The following RFFL variants were observed in gnomAD, a reference collection of about 807,000 sequenced individuals.
RFFL encodes the protein E3 ubiquitin-protein ligase rififylin.
A neutral mutation model predicts 40.4 loss-of-function variants in RFFL; 16 were observed. That is an observed-to-expected ratio of 0.40 (90% CI 0.27 to 0.60). RFFL has a LOEUF of 0.60. RFFL is among the 20% of genes least tolerant of loss of function. The pLI is 0.47. For synonymous variants in RFFL, 154 were observed against 167.9 expected, an observed-to-expected ratio of 0.92 and a Z score of 0.64; for missense variants, 367 against 451.7, an observed-to-expected ratio of 0.81 and a Z score of 1.70.
chr17:35,021,577 G>A lies in RFFL; in HGVS notation c.385C>T (p.Leu129=). The change falls in exon 3 of 7, where the codon CTG becomes TTG. Residue 129 remains leucine, a synonymous_variant. Coordinates refer to ENST00000394597, the MANE Select transcript of RFFL (RefSeq NM_001017368.2). ...STEMCREKEE[L]VLLVLGQQPV... is the part of the protein sequence containing the mutation. ...TGCTGGCCAAGGACCAAGAGCACCAGCTCTTCTTTCTCCCGGCACATTTCG... is the reference window on the plus strand; with the variant it reads ...TGCTGGCCAAGGACCAAGAGCACCAACTCTTCTTTCTCCCGGCACATTTCG... 1 of 1,614,204 alleles carries A rather than the reference G, an allele frequency of 6.2e-7. No homozygotes were observed. The highest frequency in any genetic ancestry group is 2.2e-5 in the East Asian group (1 of 44,884).
chr17:35,019,035 G>A (rs1351415569), intron 3 of RFFL: 1 of 152,314 alleles, frequency 6.6e-6, no homozygotes, highest in Non-Finnish European at 1.5e-5. Context: ...TCCTTGCCTA[G>A]CAACTATTGA....
At chr17:35,013,472 G>C (rs1341041553) in intron 6 of RFFL, among the ~76,000 whole-genome samples, 1 of 152,156 alleles carries the variant, frequency 6.6e-6, no homozygotes, top group Non-Finnish European at 1.5e-5. Context: ...CCCATAAAAA[G>C]GAACTGATCT....
In RFFL at chr17:35,007,058, C is replaced by T. The variant is rs1461162357; in HGVS notation, c.*4910G>A. 1.3e-5 allele frequency: 2 copies of T among 152,192 alleles called. No individual in the cohort carries two copies. The highest frequency in any genetic ancestry group is 2.9e-5 in the Non-Finnish European group (2 of 68,072). The allele number at this position is 152,192 out of a possible 1,614,324, so 9.4% of individuals were successfully genotyped here. A position where few individuals can be genotyped will look rare whatever the true frequency, so the allele number is the denominator to read the frequency against. ...TTGAGTACTGACCTACATAGATTTC[C>T]ATTTCTCTCTTCAGCCTCAGGCCAA... On this transcript the variant is annotated 3_prime_UTR_variant, in exon 7 of 7. Transcript: ENST00000394597.
intron 1 of RFFL, among the ~76,000 whole-genome samples, chr17:35,074,868 C>T (rs2091368442): frequency 6.6e-6 from 1 of 152,146 alleles, no homozygotes; most frequent in Admixed American, 6.6e-5. Flanking sequence ...AGAATGCATA[C>T]AATTTCATTC....
intron 1 of RFFL, chr17:35,069,250 C>T (rs1294223356): frequency 8.8e-6 from 4 of 456,722 alleles, no homozygotes; most frequent in Admixed American, 4.7e-5. Flanking sequence ...ACTTCCTAAA[C>T]GTCTACCCTG....
chr17:35,069,196 T>A (rs958408756), intron 1 of RFFL: 1 of 455,946 alleles, frequency 2.2e-6, no homozygotes, highest in African/African-American at 2.0e-5. Flanking sequence ...CACACTCACA[T>A]GCTCTGTCTC....
intron 1 of RFFL, among the ~76,000 whole-genome samples, chr17:35,044,588 T>G (rs576324355): frequency 6.6e-6 from 1 of 152,294 alleles, no homozygotes; most frequent in Non-Finnish European, 1.5e-5. Context: ...CAGTCCAGCC[T>G]GGGAGACAGA....
chr17:35,026,938 G>C (rs1486220297), intron 1 of RFFL, among the ~76,000 whole-genome samples: 1 of 152,164 alleles, frequency 6.6e-6, no homozygotes, highest in Non-Finnish European at 1.5e-5. Flanking sequence ...TCCTGACCTT[G>C]TGATCGGCCC....
intron 1 of RFFL, among the ~76,000 whole-genome samples, chr17:35,034,211 T>G (rs2091105044): frequency 6.6e-6 from 1 of 151,924 alleles, no homozygotes; most frequent in South Asian, 2.1e-4. Context: ...GGCACGCACC[T>G]GTAGTCCCAG....
intron 1 of RFFL, among the ~76,000 whole-genome samples, chr17:35,048,259 G>T (rs1418789234): frequency 2.0e-5 from 3 of 151,650 alleles, no homozygotes; most frequent in African/African-American, 4.8e-5. Flanking sequence ...AAAATTAGCC[G>T]GGAGTGGCGG....
chr17:35,067,766 T>G (rs2091327985), upstream of RFFL, among the ~76,000 whole-genome samples: 2 of 152,258 alleles, frequency 1.3e-5, no homozygotes, highest in South Asian at 4.2e-4. Flanking sequence ...TCCAAGCAAT[T>G]CTGATACAGA....
At chr17:35,087,224 G>C (rs1370555746) in intron 1 of RFFL, among the ~76,000 whole-genome samples, 1 of 152,052 alleles carries the variant, frequency 6.6e-6, no homozygotes, top group Non-Finnish European at 1.5e-5. Flanking sequence ...GGTTGCACAT[G>C]CCTGAGGTCC....
chr17:35,086,389 G>T (rs1371112696), intron 1 of RFFL, among the ~76,000 whole-genome samples: 1 of 151,854 alleles, frequency 6.6e-6, no homozygotes, highest in African/African-American at 2.4e-5. Flanking sequence ...GGGAGGCGAG[G>T]ATTGCGTGAG....
At chr17:35,076,119 G>A (rs752748883) in intron 1 of RFFL, among the ~76,000 whole-genome samples, 11 of 147,760 alleles carry the variant, frequency 7.4e-5, no homozygotes, top group South Asian at 2.1e-4. Flanking sequence ...TCAGCCTCTC[G>A]AATAGCTGGG....
At chr17:35,078,343 T>C (rs1201189490) in intron 1 of RFFL, among the ~76,000 whole-genome samples, 3 of 152,230 alleles carry the variant, frequency 2.0e-5, no homozygotes, top group Non-Finnish European at 4.4e-5. Flanking sequence ...CACTCTGTTG[T>C]CCACACTAGA....
chr17:35,041,539 A>G (rs1597826518), intron 1 of RFFL, among the ~76,000 whole-genome samples: 1 of 151,240 alleles, frequency 6.6e-6, no homozygotes, highest in African/African-American at 2.4e-5. Context: ...TACTTTTCTC[A>G]CTCGTTAACT....
chr17:35,076,720 A>ATAATAATAATAATAG lies in RFFL; in HGVS notation c.-9+12384_-9+12385insCTATTATTATTATTA, dbSNP rs1555564975. ...AATAATAATAATAATAATAATAATA[A>ATAATAATAATAATAG]TAGTAACAGAAGCCAGATGATGAAG... is the stretch of plus-strand genomic sequence containing the variant. On this transcript the variant is annotated intron_variant, in intron 1 of 6. Coordinates refer to the RFFL transcript ENST00000315249. 5 of 146,718 alleles carry ATAATAATAATAATAG rather than the reference A, an allele frequency of 3.4e-5. 1 individual carries two copies. The South Asian group carries it at 6.3e-4, about 19-fold the overall frequency. 9.1% of individuals were successfully genotyped at this position (146,718 alleles called of 1,614,324 possible).
intron 3 of RFFL, among the ~76,000 whole-genome samples, chr17:35,018,265 T>C (rs1048499782): frequency 3.3e-5 from 5 of 152,146 alleles, no homozygotes; most frequent in Admixed American, 3.3e-4. Flanking sequence ...CCAGACCTAG[T>C]CAAAGAGTAT....
At chr17:35,013,058 G>A (rs915932372) in intron 6 of RFFL, among the ~76,000 whole-genome samples, 3 of 152,254 alleles carry the variant, frequency 2.0e-5, no homozygotes, top group South Asian at 2.1e-4. Context: ...GGTCCTGAAA[G>A]CTTTGCATGT....
Sources: allele counts gnomAD v4.1 joint callset (sites outside exome capture counted in the v4.1 genomes callset), GRCh38; gene constraint gnomAD v4.1.1; transcripts MANE v1.5; gene names NCBI Gene and HGNC (gene_info 2026-07-23, HGNC 2026-07-21).